DOCK7: variants seen among roughly 807,000 people sequenced by gnomAD.
The protein encoded by DOCK7 is dedicator of cytokinesis 7.
DOCK7 carries 138 observed loss-of-function variants against 271.0 expected under a neutral mutation model. That is an observed-to-expected ratio of 0.51 (90% CI 0.44 to 0.59). DOCK7 has a LOEUF of 0.59. DOCK7 is among the 20% of genes least tolerant of loss of function. DOCK7 has a pLI of 0.00. For missense variants in DOCK7, 2,066 were observed against 2,592.4 expected, an observed-to-expected ratio of 0.80 and a Z score of 4.41; for synonymous variants, 823 against 876.1, an observed-to-expected ratio of 0.94 and a Z score of 1.07.
At chr1:62,617,804 G>C (rs78799721) in intron 14 of DOCK7, among the ~76,000 whole-genome samples, 2,330 of 151,832 alleles carry the variant, frequency 0.015, 65 homozygotes, top group African/African-American at 0.053. Flanking sequence ...TCACAGTGCT[G>C]ATCTAGATGG....
chr1:62,649,007 C>G (rs1353480459), intron 4 of DOCK7, among the ~76,000 whole-genome samples: 5 of 152,024 alleles, frequency 3.3e-5, no homozygotes, highest in Non-Finnish European at 1.5e-5. Context: ...TATAAAAGAT[C>G]TTAACCTAAA....
At chr1:62,532,905 A>G (rs1272402313) in intron 29 of DOCK7, among the ~76,000 whole-genome samples, 1 of 152,202 alleles carries the variant, frequency 6.6e-6, no homozygotes, top group Non-Finnish European at 1.5e-5. Context: ...AGCCAGATAC[A>G]CAGGGCCTTA....
intron 22 of DOCK7, 51 bp downstream of exon 22, chr1:62,552,681 G>A (rs373582267): frequency 4.6e-5 from 70 of 1,506,298 alleles, no homozygotes; most frequent in East Asian, 4.0e-4. Flanking sequence ...GATATTTCTC[G>A]TTTGTTCACA....
intron 1 of DOCK7, among the ~76,000 whole-genome samples, chr1:62,667,228 G>A (rs1036615528): frequency 6.6e-6 from 1 of 152,062 alleles, no homozygotes; most frequent in African/African-American, 2.4e-5. Flanking sequence ...TCATACTAAA[G>A]TCATAAGAAA....
intron 37 of DOCK7, among the ~76,000 whole-genome samples, chr1:62,497,699 A>C (rs1557628086): frequency 6.6e-6 from 1 of 152,182 alleles, no homozygotes; most frequent in East Asian, 1.9e-4. Context: ...TTTTTCTTTC[A>C]TATCTCTCAG....
At chr1:62,586,129 A>G (rs1647479925) in intron 15 of DOCK7, among the ~76,000 whole-genome samples, 2 of 152,166 alleles carry the variant, frequency 1.3e-5, no homozygotes, top group East Asian at 1.9e-4. Flanking sequence ...CTTACATTCT[A>G]AAGGGAGTTG....
rs531500164 is a variant in DOCK7 at position 62,529,489 on chromosome 1, C to A, written c.3612-43G>T. On this transcript the variant is annotated intron_variant, in intron 29 of 49. Transcript: ENST00000635253. ...GACAAAGAAGAAAAAGCAGTAAGGCCACAGAGATTAGCTAACATCTTTAAA... is the reference window on the plus strand; with the variant it reads ...GACAAAGAAGAAAAAGCAGTAAGGCAACAGAGATTAGCTAACATCTTTAAA... 165 of 1,484,762 alleles carry A rather than the reference C, an allele frequency of 1.1e-4. No homozygotes were observed. The South Asian group carries it at 1.9e-3, about 17-fold the overall frequency. 92.0% of individuals were successfully genotyped at this position (1,484,762 alleles called of 1,614,324 possible). A position where few individuals can be genotyped will look rare whatever the true frequency, so the allele number is the denominator to read the frequency against.
intron 31 of DOCK7, among the ~76,000 whole-genome samples, chr1:62,524,851 T>C (rs1449231140): frequency 6.7e-6 from 1 of 148,254 alleles, no homozygotes; most frequent in Non-Finnish European, 1.5e-5. Flanking sequence ...TGAGCCAAGA[T>C]CGTGCCACTG....
chr1:62,609,438 C>G (rs1489307300), intron 14 of DOCK7: 2 of 152,090 alleles, frequency 1.3e-5, no homozygotes, highest in Non-Finnish European at 2.9e-5. Flanking sequence ...ACAGTCAAAC[C>G]TCAGTTTCCA....
chr1:62,558,381 T>C (rs1428083825), intron 20 of DOCK7, among the ~76,000 whole-genome samples: 1 of 152,142 alleles, frequency 6.6e-6, no homozygotes, highest in Non-Finnish European at 1.5e-5. Flanking sequence ...ACATAAAAAT[T>C]ATATCTGGTT....
In DOCK7 at chr1:62,478,089, T is replaced by G. The variant is rs186203419; in HGVS notation, c.5509-264A>C. 194 of 331,976 alleles carry G rather than the reference T, an allele frequency of 5.8e-4. 2 individuals are homozygous for G. The highest frequency in any genetic ancestry group is 1.6e-5 in the Non-Finnish European group (3 of 183,806). The allele number at this position is 331,976 out of a possible 1,614,324, so 20.6% of individuals were successfully genotyped here. On this transcript the variant is annotated intron_variant, in intron 43 of 49. Transcript: ENST00000635253. ...TTTTTCGGAGTTTGTACGAAGTGCCTCTATCACATTGGTCTATGTTTTTTA... is the reference window on the plus strand; with the variant it reads ...TTTTTCGGAGTTTGTACGAAGTGCCGCTATCACATTGGTCTATGTTTTTTA...
intron 2 of DOCK7, among the ~76,000 whole-genome samples, chr1:62,660,525 C>T (rs563850382): frequency 6.6e-5 from 10 of 152,144 alleles, no homozygotes; most frequent in Non-Finnish European, 8.8e-5. Context: ...TGTGCATTGA[C>T]GGTGGAAATG....
At chr1:62,499,797 T>C (rs1016933038) in intron 37 of DOCK7, among the ~76,000 whole-genome samples, 1 of 152,076 alleles carries the variant, frequency 6.6e-6, no homozygotes, top group African/African-American at 2.4e-5. Flanking sequence ...GAGGATCCCT[T>C]TAGCCCAGGA....
At chr1:62,597,360 T>C (rs546741644) in intron 14 of DOCK7, 36 of 514,228 alleles carry the variant, frequency 7.0e-5, no homozygotes, top group Non-Finnish European at 1.1e-4. Context: ...TAGTTGCTCA[T>C]TTCTTTGATT....
chr1:62,507,912 C>T (rs1000559996), intron 35 of DOCK7, 50 bp downstream of exon 35: 5 of 1,555,542 alleles, frequency 3.2e-6, no homozygotes, highest in Non-Finnish European at 4.4e-6. Flanking sequence ...TTCCCTCCAA[C>T]CTCAATTTAC....
chr1:62,557,047 T>G (rs910549495), intron 20 of DOCK7, among the ~76,000 whole-genome samples: 1 of 140,718 alleles, frequency 7.1e-6, no homozygotes, highest in East Asian at 2.1e-4. Context: ...AAAGTTCTCA[T>G]GTTTTTCTTT....
chr1:62,498,639 G>GA (rs58336065), intron 37 of DOCK7, among the ~76,000 whole-genome samples: 84,649 of 145,550 alleles, frequency 0.58, 25,642 homozygotes, highest in East Asian at 0.75. Context: ...CAAGCTACTT[G>GA]AAAAAAAAAA....
At chr1:62,557,415 A>C (rs1331768731) in intron 20 of DOCK7, among the ~76,000 whole-genome samples, 1 of 151,600 alleles carries the variant, frequency 6.6e-6, no homozygotes, top group Admixed American at 6.6e-5. Flanking sequence ...CTCTCAGCAC[A>C]TAAACATGCT....
chr1:62,598,369 TA>T (rs1360482395), intron 14 of DOCK7, among the ~76,000 whole-genome samples: 1 of 151,804 alleles, frequency 6.6e-6, no homozygotes, highest in Admixed American at 6.6e-5. Context: ...AGTAAAAAGT[TA>T]AAAAAAATTT....
Sources: allele counts gnomAD v4.1 joint callset (sites outside exome capture counted in the v4.1 genomes callset), GRCh38; gene constraint gnomAD v4.1.1; transcripts MANE v1.5; gene names NCBI Gene and HGNC (gene_info 2026-07-23, HGNC 2026-07-21).